OGN: variants seen among roughly 807,000 people sequenced by gnomAD.
The protein encoded by OGN is osteoglycin.
Under a neutral mutation model 30.8 loss-of-function variants are expected in OGN, and 19 were observed. That is an observed-to-expected ratio of 0.62 (90% CI 0.43 to 0.90). OGN has a LOEUF of 0.90. OGN is among the 40% of genes least tolerant of loss of function. The probability of loss-of-function intolerance (pLI) is 0.00; values close to 1 mark genes in which losing one functional copy is unlikely to be tolerated. For synonymous variants in OGN, 126 were observed against 128.3 expected (o/e 0.98, Z 0.12); for missense variants, 283 against 349.7 (o/e 0.81, Z 1.52).
intron 3 of OGN, among the ~76,000 whole-genome samples, chr9:92,395,632 G>C (rs1165613953): frequency 6.6e-6 from 1 of 152,196 alleles, no homozygotes; most frequent in Admixed American, 6.5e-5. Flanking sequence ...CCTACCAGCA[G>C]CATATGAGAG....
intron 4 of OGN, among the ~76,000 whole-genome samples, chr9:92,390,587 T>TGTGTGTGCGC (rs749697394): frequency 7.1e-6 from 1 of 141,814 alleles, no homozygotes. Flanking sequence ...TGTGTGTGTG[T>TGTGTGTGCGC]GCGCGCGCGC....
Position 92,403,462 on chromosome 9 carries a change from G to T in OGN, c.-55C>A. On this transcript the variant is annotated 5_prime_UTR_variant, in exon 2 of 7. Transcript: ENST00000375561. The stretch of plus-strand genomic sequence containing the variant: ...AATAAACTAGTGGCCTGCTGACTGT[G>T]GGACAAAACTCTCTTTTTCCCTGGA... 6.5e-7 allele frequency: 1 copy of T among 1,535,832 alleles called. No homozygotes were observed.
At chr9:92,398,923 G>T (rs558734431) in intron 3 of OGN, among the ~76,000 whole-genome samples, 2 of 152,046 alleles carry the variant, frequency 1.3e-5, no homozygotes, top group Non-Finnish European at 2.9e-5. Context: ...TTAGCCTGGC[G>T]TGGTGGCGCG....
In OGN at chr9:92,384,008, T is replaced by C. The variant is rs1198698564; in HGVS notation, c.*1612A>G. ...TTTATTTTGCAATATTTATTATATA[T>C]TCAATTCAAATGTACTCACTATTGT... On this transcript the variant is annotated 3_prime_UTR_variant, in exon 7 of 7. Transcript: ENST00000375561. 6.6e-6 allele frequency: 1 copy of C among 152,200 alleles called. No homozygotes were observed. Among genetic ancestry groups the C allele is most frequent in the African/African-American group, 2.4e-5 (1 of 41,460 alleles). 9.4% of individuals were successfully genotyped at this position (152,200 alleles called of 1,614,324 possible). A position where few individuals can be genotyped will look rare whatever the true frequency, so the allele number is the denominator to read the frequency against.
rs920473316 is a variant in OGN at position 92,394,301 on chromosome 9, G to T, written c.269-1057C>A. Among the ~76,000 whole-genome samples, 3 of 151,898 alleles carry T rather than the reference G, an allele frequency of 2.0e-5. No individual in the cohort carries two copies. The South Asian group carries it at 6.2e-4, about 31-fold the overall frequency. On this transcript the variant is annotated intron_variant, in intron 3 of 6. Transcript: ENST00000375561. ...CCTGTTGCTCATGCTGGAGTGTGGT[G>T]GTGTGATCTTGGCTCATTGCAACCT...
At chr9:92,390,716 A>G (rs553013705) in intron 4 of OGN, among the ~76,000 whole-genome samples, 1 of 152,350 alleles carries the variant, frequency 6.6e-6, no homozygotes, top group Admixed American at 6.5e-5. Context: ...CTGAACCATT[A>G]TTCCTAGGAG....
At chr9:92,395,295 A>T (rs1248222247) in intron 3 of OGN, among the ~76,000 whole-genome samples, 1 of 152,216 alleles carries the variant, frequency 6.6e-6, no homozygotes, top group Non-Finnish European at 1.5e-5. Context: ...ATCATGGAGT[A>T]TCTACTTCCT....
At chr9:92,394,076 T>C (rs956561963) in intron 3 of OGN, among the ~76,000 whole-genome samples, 2 of 152,210 alleles carry the variant, frequency 1.3e-5, no homozygotes, top group African/African-American at 2.4e-5. Context: ...TACTTTCATA[T>C]ACTAGTTTTA....
chr9:92,385,567 A>G lies in OGN; in HGVS notation c.*53T>C, dbSNP rs1185423555. 6.7e-7 allele frequency: 1 copy of G among 1,487,948 alleles called. No individual in the cohort carries two copies. Among genetic ancestry groups the G allele is most frequent in the Non-Finnish European group, 9.3e-7 (1 of 1,074,108 alleles). The allele number at this position is 1,487,948 out of a possible 1,614,324, so 92.2% of individuals were successfully genotyped here. On this transcript the variant is annotated 3_prime_UTR_variant, in exon 7 of 7. Transcript: ENST00000375561. ...ACTTAAGTTCCTTTACTCATTGTTG[A>G]GACAGACTATTAGTGTAGGTGTACT...
intron 4 of OGN, among the ~76,000 whole-genome samples, chr9:92,391,385 C>T (rs1160549873): frequency 4.0e-5 from 6 of 151,804 alleles, no homozygotes; most frequent in South Asian, 2.1e-4. Flanking sequence ...CCAGCCTGGG[C>T]AACAGAGTAA....
At position 92,383,655 on chromosome 9, in the gene OGN, G is replaced by C. The variant is rs1201832854; in HGVS notation, c.*1965C>G. On this transcript the variant is annotated 3_prime_UTR_variant, in exon 7 of 7. Coordinates refer to ENST00000375561, the MANE Select transcript of OGN (RefSeq NM_014057.5). ...TTATTTTGTTTTATTTGTGATTTAA[G>C]GTTGTGTATATGAAGGTGTAAGGTA... Among the ~76,000 whole-genome samples the C allele has an allele frequency of 1.3e-5, 2 of 151,702 alleles. No individual in the cohort carries two copies. The highest frequency in any genetic ancestry group is 2.9e-5 in the Non-Finnish European group (2 of 67,890).
In OGN at chr9:92,389,956, T is replaced by A. The variant is rs754746970; in HGVS notation, c.528A>T (p.Glu176Asp). The A allele has an allele frequency of 6.2e-7, 1 of 1,611,910 alleles. No individual in the cohort carries two copies. The highest frequency in any genetic ancestry group is 1.1e-5 in the South Asian group (1 of 91,012). Residue 176 changes from glutamate to aspartate, a missense_variant, in exon 5 of 7, where the codon GAA (glutamate) becomes GAT (aspartate). Glu to Asp is a conservative substitution (Grantham distance 45). Coordinates refer to ENST00000375561, the MANE Select transcript of OGN (RefSeq NM_014057.5). ...GAACTGGAAGTTTTAGTAGTTGATT[T>A]TCAGCAAGTGAAAGTTCTTCTAACA... ...LSLLEELSLAENQLLKLPVLP... is the reference protein window; with the variant it reads ...LSLLEELSLADNQLLKLPVLP...
Position 92,384,572 on chromosome 9 carries a change from T to G in OGN, c.*1048A>C, listed in dbSNP as rs1397838752. On this transcript the variant is annotated 3_prime_UTR_variant, in exon 7 of 7. Coordinates refer to ENST00000375561, the MANE Select transcript of OGN (RefSeq NM_014057.5). ...GTCATCATAAATTATTACTCTCAGA[T>G]AGAAGATTTAATTCTTGCAGTTAGC... The G allele has an allele frequency of 6.6e-6, 1 of 152,188 alleles. No individual in the cohort carries two copies. Among genetic ancestry groups the G allele is most frequent in the Non-Finnish European group, 1.5e-5 (1 of 67,998 alleles). The allele number at this position is 152,188 out of a possible 1,614,324, so 9.4% of individuals were successfully genotyped here. A position where few individuals can be genotyped will look rare whatever the true frequency, so the allele number is the denominator to read the frequency against.
In OGN at chr9:92,389,789, A is replaced by G. The variant is rs1208455854; in HGVS notation, c.630+65T>C. The G allele has an allele frequency of 4.6e-6, 5 of 1,078,566 alleles. No individual in the cohort carries two copies. The African/African-American group carries it at 7.9e-5, about 17-fold the overall frequency. The allele number at this position is 1,078,566 out of a possible 1,614,324, so 66.8% of individuals were successfully genotyped here. On this transcript the variant is annotated intron_variant, in intron 5 of 6. Coordinates refer to ENST00000375561, the MANE Select transcript of OGN (RefSeq NM_014057.5). The stretch of plus-strand genomic sequence containing the variant: ...GTAATCAAAATACAATTCTAGACCA[A>G]AGTTTCTCTTTTATCTATCATATCA...
Position 92,404,518 on chromosome 9 carries a change from T to C in OGN, c.-98A>G. ...TACCGTTGTAGCTGTTTTGAAGTTT[T>C]TTGTGGTTTTCCTCAATAGATGTTC... On this transcript the variant is annotated 5_prime_UTR_variant, in exon 1 of 7. Transcript: ENST00000375561. 7.7e-7 allele frequency: 1 copy of C among 1,296,626 alleles called. No individual in the cohort carries two copies. The highest frequency in any genetic ancestry group is 1.0e-6 in the Non-Finnish European group (1 of 987,794). 80.3% of individuals were successfully genotyped at this position (1,296,626 alleles called of 1,614,324 possible).
chr9:92,386,261 A>G lies in OGN; in HGVS notation c.666T>C (p.His222=), dbSNP rs1842416861. Residue 222 remains histidine (H), a synonymous_variant, in exon 6 of 7, where the codon CAT becomes CAC. Transcript: ENST00000375561. ...LNNLTFLYLD[H]NALESVPLNL... is the part of the protein sequence containing the mutation. ...TAAGAGGCACGGATTCCAGGGCATT[A>G]TGGTCCAAGTAGAGGAAGGTGAGGT... is the stretch of plus-strand genomic sequence containing the variant. 6.2e-7 allele frequency: 1 copy of G among 1,613,584 alleles called. No homozygotes were observed. Among genetic ancestry groups the G allele is most frequent in the East Asian group, 2.2e-5 (1 of 44,842 alleles).
rs1843200734 is a variant in OGN at position 92,403,396 on chromosome 9, CAG to C, written c.10_11del (p.Leu4AlafsTer28). The C allele has an allele frequency of 1.2e-6, 2 of 1,602,682 alleles. No individual in the cohort carries two copies. The highest frequency in any genetic ancestry group is 4.5e-5 in the East Asian group (2 of 44,640). On this transcript the variant is annotated frameshift_variant, in exon 2 of 7. Coordinates refer to ENST00000375561, the MANE Select transcript of OGN (RefSeq NM_014057.5). LOFTEE classifies it high-confidence loss of function. MKT[L>X]QSTLLLLLLV... ...GCAGTAACAGGAGAAGTGTAGACTG[CAG>C]AGTCTTCATTTTAGCAAAAATCAAG...
chr9:92,393,253 G>T lies in OGN; in HGVS notation c.269-9C>A. The T allele has an allele frequency of 6.5e-7, 1 of 1,546,002 alleles. No individual in the cohort carries two copies. The highest frequency in any genetic ancestry group is 1.3e-5 in the South Asian group (1 of 77,482). On this transcript the variant is annotated splice_polypyrimidine_tract_variant and intron_variant, in intron 3 of 6. Coordinates refer to ENST00000375561, the MANE Select transcript of OGN (RefSeq NM_014057.5). ...CAGACACGTGGGCATTTCTAAATTG[G>T]GAATAAAATCATAAAAATATGAACA... is the stretch of plus-strand genomic sequence containing the variant.
At chr9:92,398,126 A>G (rs1173744622) in intron 3 of OGN, among the ~76,000 whole-genome samples, 1 of 152,014 alleles carries the variant, frequency 6.6e-6, no homozygotes, top group Non-Finnish European at 1.5e-5. Context: ...TAACAAACCT[A>G]CTCACTGGAA....
Sources: gnomAD v4.1 joint callset for allele counts (sites outside exome capture counted in the v4.1 genomes callset) on GRCh38, gnomAD v4.1.1 for gene constraint, MANE v1.5 for transcripts, NCBI Gene and HGNC (gene_info 2026-07-23, HGNC 2026-07-21) for gene names.